RGN: variants seen among roughly 807,000 people sequenced by gnomAD.
RGN encodes epididymis secretory protein Li 41.
A neutral mutation model predicts 20.6 loss-of-function variants in RGN; 19 were observed. The observed-to-expected ratio is 0.92, with a 90% confidence interval of 0.64 to 1.35. RGN has a LOEUF of 1.35. Among genes scored for constraint, RGN ranks in the 40% most tolerant of loss-of-function variants. RGN has a pLI of 0.00. For missense variants in RGN, 302 were observed against 232.7 expected, an observed-to-expected ratio of 1.30 and a Z score of -1.94; for synonymous variants, 85 against 87.2, an observed-to-expected ratio of 0.97 and a Z score of 0.14.
At chrX:47,089,059 G>A (rs1556385471) in intron 4 of RGN, among the ~76,000 whole-genome samples, 1 of 86,735 alleles carries the variant, frequency 1.2e-5, no homozygotes, top group Non-Finnish European at 2.3e-5. Flanking sequence ...CAAGGCAGGT[G>A]GATTGCTTGA....
chrX:47,078,955 C>CTT lies in RGN; in HGVS notation c.-636+265_-636+266dup, dbSNP rs781962121. 6.7e-3 allele frequency among the ~76,000 whole-genome samples: 523 copies of CTT among 78,604 alleles called. 21 individuals carry two copies. Among genetic ancestry groups the CTT allele is most frequent in the African/African-American group, 0.024 (484 of 20,434 alleles). 68.3% of individuals were successfully genotyped at this position (78,604 alleles called of 115,157 possible). ...GTCTGAACACTGCCCCCCACCCCCG[C>CTT]TTTTTTTTTTTTTTTTTTTTCCGAG... On this transcript the variant is annotated intron_variant, in intron 1 of 7. Transcript: ENST00000397180.
At chrX:47,090,330 C>G (rs1556387034) in intron 5 of RGN, among the ~76,000 whole-genome samples, 1 of 111,501 alleles carries the variant, frequency 9.0e-6, no homozygotes, top group Non-Finnish European at 1.9e-5. Context: ...AGATCCTATT[C>G]TACCAGGAGG....
At chrX:47,079,228 G>A (rs1453759055) in intron 1 of RGN, among the ~76,000 whole-genome samples, 1 of 109,790 alleles carries the variant, frequency 9.1e-6, no homozygotes, top group Non-Finnish European at 1.9e-5. Context: ...CCAAAGTGCT[G>A]GAATTACAGG....
At chrX:47,083,127 A>C (rs1437610879) in intron 3 of RGN, among the ~76,000 whole-genome samples, 1 of 111,932 alleles carries the variant, frequency 8.9e-6, no homozygotes, top group African/African-American at 3.2e-5. Context: ...GGCCGGGTGC[A>C]GTAGCTCATG....
intron 4 of RGN, 79 bp from the exon 5 acceptor site, chrX:47,089,697 A>T: frequency 1.4e-6 from 1 of 693,640 alleles, no homozygotes; most frequent in Non-Finnish European, 2.1e-6. Context: ...ACTGGAAAGG[A>T]TCCCTGGTGA....
At chrX:47,090,570 T>C (rs1930900378) in intron 5 of RGN, among the ~76,000 whole-genome samples, 1 of 110,072 alleles carries the variant, frequency 9.1e-6, no homozygotes, top group Non-Finnish European at 1.9e-5. Context: ...GGGAAGGAAT[T>C]ATTTAGAATC....
At chrX:47,079,727 G>A (rs1325032040) in intron 1 of RGN, among the ~76,000 whole-genome samples, 10 of 111,029 alleles carry the variant, frequency 9.0e-5, no homozygotes, top group Non-Finnish European at 1.1e-4. Flanking sequence ...CACCATGCCC[G>A]GCCTGTGTTT....
intron 3 of RGN, among the ~76,000 whole-genome samples, chrX:47,082,413 C>T (rs782726501): frequency 6.7e-5 from 7 of 104,606 alleles, no homozygotes; most frequent in Non-Finnish European, 9.7e-5. Context: ...CAGGCTCAAG[C>T]GATCCTCCCA....
At position 47,092,167 on chromosome X, in the gene RGN, G is replaced by A; in HGVS notation, c.801G>A (p.Met267Ile). 1 of 1,194,955 alleles carries A rather than the reference G, an allele frequency of 8.4e-7. No homozygotes were observed. The highest frequency in any genetic ancestry group is 1.1e-6 in the Non-Finnish European group (1 of 886,172). ...ATGTGACCTGCGCCCGGGATGGGATGGACCCCGAGGGTCTTTTGAGGCAAC... is the reference window on the plus strand; with the variant it reads ...ATGTGACCTGCGCCCGGGATGGGATAGACCCCGAGGGTCTTTTGAGGCAAC... ...EMYVTCARDG[M>I]DPEGLLRQPE... Residue 267 changes from methionine (M) to isoleucine (I), a missense_variant, in exon 7 of 8, where the codon ATG becomes ATA. By Grantham distance (10) the Met-to-Ile change is conservative (BLOSUM62 1). Transcript: ENST00000397180.
chrX:47,087,601 C>T (rs1355329525), intron 4 of RGN: 1 of 109,349 alleles, frequency 9.1e-6, no homozygotes, highest in African/African-American at 3.3e-5. Flanking sequence ...GCATGAAGAG[C>T]TCCATATTTT....
chrX:47,079,128 T>G (rs1930167399), intron 1 of RGN, among the ~76,000 whole-genome samples: 1 of 108,298 alleles, frequency 9.2e-6, no homozygotes, highest in Admixed American at 1.0e-4. Flanking sequence ...CCCGGCTAAT[T>G]TTTTGTATTT....
chrX:47,081,963 T>C (rs1930344526), intron 3 of RGN, among the ~76,000 whole-genome samples: 1 of 112,010 alleles, frequency 8.9e-6, no homozygotes, highest in Admixed American at 9.5e-5. Flanking sequence ...GCCAAGACCT[T>C]AATTTTCAAA....
intron 4 of RGN, among the ~76,000 whole-genome samples, chrX:47,085,962 C>A (rs1293201212): frequency 1.8e-5 from 2 of 112,203 alleles, no homozygotes; most frequent in Non-Finnish European, 3.8e-5. Context: ...TATCTAAATC[C>A]CAGTTTTGTC....
chrX:47,081,371 C>A, intron 3 of RGN, 64 bp downstream of exon 3: 1 of 1,020,869 alleles, frequency 9.8e-7, no homozygotes, highest in Non-Finnish European at 1.4e-6. Flanking sequence ...GCGGTCACCA[C>A]GGCACCCTTC....
chrX:47,082,303 CTTT>C (rs11286766), intron 3 of RGN, among the ~76,000 whole-genome samples: 2 of 59,259 alleles, frequency 3.4e-5, no homozygotes, highest in Non-Finnish European at 6.1e-5. Flanking sequence ...GGGACCTCAA[CTTT>C]TTTTTTTTTT....
rs782635982 is a variant in RGN, at chrX:47,084,306, A to G, written c.164-112A>G. ...TCAACAGAAGGAAGAGAGCGCTCCCATTGTCACGAGAGCTGGGCTCCCGCT... is the reference window on the plus strand; with the variant it reads ...TCAACAGAAGGAAGAGAGCGCTCCCGTTGTCACGAGAGCTGGGCTCCCGCT... On this transcript the variant is annotated intron_variant, in intron 3 of 7. Coordinates refer to ENST00000397180, the MANE Select transcript of RGN (RefSeq NM_152869.4). The G allele has an allele frequency of 8.4e-6, 5 of 598,764 alleles. No individual in the cohort carries two copies. In the African/African-American group the frequency reaches 9.3e-5, roughly 11 times the overall value. 49.3% of individuals were successfully genotyped at this position (598,764 alleles called of 1,213,427 possible). A position where few individuals can be genotyped will look rare whatever the true frequency, so the allele number is the denominator to read the frequency against.
At chrX:47,081,409 C>A (rs1189425145) in intron 3 of RGN, 102 bp downstream of exon 3, 3 of 731,826 alleles carry the variant, frequency 4.1e-6, no homozygotes, top group African/African-American at 4.2e-5. Context: ...CTACACTTGT[C>A]ACGCTGTCTG....
Position 47,084,475 on chromosome X carries a change from G to T in RGN, c.221G>T (p.Gly74Val), listed in dbSNP as rs1482358355. ...RQSGGYVATI[G>V]TKFCALNWKE... Reference sequence around the variant, plus strand: ...TCGGGAGGCTATGTTGCCACCATTGGAACAAAGTTCTGTGCTTTGAACTGG... The same window carrying T: ...TCGGGAGGCTATGTTGCCACCATTGTAACAAAGTTCTGTGCTTTGAACTGG... Residue 74 changes from glycine to valine, a missense_variant, in exon 4 of 8, where the codon GGA (glycine) becomes GTA (valine). Transcript: ENST00000397180. 1.2e-5 allele frequency: 14 copies of T among 1,206,369 alleles called. No homozygotes were observed. Among genetic ancestry groups the T allele is most frequent in the Non-Finnish European group, 1.6e-5 (14 of 892,569 alleles).
In RGN at chrX:47,083,426, G is replaced by T. The variant is rs114545397; in HGVS notation, c.164-992G>T. Among the ~76,000 whole-genome samples, 807 of 109,862 alleles carry T rather than the reference G, an allele frequency of 7.3e-3. 4 individuals are homozygous for T. Among genetic ancestry groups the T allele is most frequent in the African/African-American group, 0.025 (755 of 30,279 alleles). On this transcript the variant is annotated intron_variant, in intron 3 of 7. Transcript: ENST00000397180. The stretch of plus-strand genomic sequence containing the variant: ...AAAAAAAAAAAGTTTTCTTATACAT[G>T]GAAAAATATTAAATGAAGAAAACCT...
Sources: allele counts gnomAD v4.1 joint callset (sites outside exome capture counted in the v4.1 genomes callset), GRCh38; gene constraint gnomAD v4.1.1; transcripts MANE v1.5; gene names NCBI Gene and HGNC (gene_info 2026-07-23, HGNC 2026-07-21).